MAU2: variants seen among roughly 807,000 people sequenced by gnomAD.
The protein encoded by MAU2 is MAU2 chromatid cohesion factor homolog.
In MAU2, 9 loss-of-function variants were observed where a neutral mutation model predicts 89.1. The ratio of observed to expected loss-of-function variants is 0.10; its 90% CI spans 0.06 to 0.18. The LOEUF (loss-of-function observed/expected upper bound fraction) is 0.18. Ranked by LOEUF, MAU2 falls within the 10% of genes least tolerant of loss-of-function variation. The pLI, the probability that MAU2 is intolerant of heterozygous loss-of-function variation, is 1.00. For missense variants in MAU2, 425 were observed against 803.5 expected (o/e 0.53, Z 5.69); for synonymous variants, 357 against 343.4 (o/e 1.04, Z -0.44).
rs768681897 is a variant in MAU2, at chr19:19,341,416, C to T, written c.735+9C>T. The T allele has an allele frequency of 1.2e-5, 19 of 1,613,038 alleles. No individual in the cohort carries two copies. The highest frequency in any genetic ancestry group is 1.6e-4 in the Middle Eastern group (1 of 6,062). ...ATCTGGATGCCGGGCAGGTGTGTGG[C>T]GCCTCTCAGGCGAGCTGCTGGTTGT... On this transcript the variant is annotated intron_variant, in intron 7 of 18. Coordinates refer to ENST00000262815, the MANE Select transcript of MAU2 (RefSeq NM_015329.4).
chr19:19,354,985 G>A (rs780646832), intron 17 of MAU2, among the ~76,000 whole-genome samples: 2 of 152,168 alleles, frequency 1.3e-5, no homozygotes, highest in East Asian at 1.9e-4. Flanking sequence ...CCCAATGAGC[G>A]CCTGTTTGCC....
Position 19,344,161 on chromosome 19 carries a change from C to T in MAU2, c.1077+221C>T, listed in dbSNP as rs1202005506. ...GCGCAGTGGCTCACGCCTGTCATCCCAGCAGTTTGGGAGGCCGAGGCGGGT... is the reference window on the plus strand; with the variant it reads ...GCGCAGTGGCTCACGCCTGTCATCCTAGCAGTTTGGGAGGCCGAGGCGGGT... On this transcript the variant is annotated intron_variant, in intron 10 of 18. Coordinates refer to ENST00000262815, the MANE Select transcript of MAU2 (RefSeq NM_015329.4). 9.5e-6 allele frequency: 5 copies of T among 527,970 alleles called. No individual in the cohort carries two copies. The Admixed American group carries it at 1.6e-4, about 17-fold the overall frequency. 32.7% of individuals were successfully genotyped at this position (527,970 alleles called of 1,614,324 possible). A position where few individuals can be genotyped will look rare whatever the true frequency, so the allele number is the denominator to read the frequency against.
At chr19:19,331,958 A>G (rs2061558764) in intron 1 of MAU2, among the ~76,000 whole-genome samples, 1 of 152,332 alleles carries the variant, frequency 6.6e-6, no homozygotes, top group South Asian at 2.1e-4. Context: ...ATCCCATGCC[A>G]TTTAGGGCTT....
At position 19,336,117 on chromosome 19, in the gene MAU2, A is replaced by C; in HGVS notation, c.295-5A>C. On this transcript the variant is annotated splice_region_variant and splice_polypyrimidine_tract_variant and intron_variant, in intron 2 of 18. Coordinates refer to ENST00000262815, the MANE Select transcript of MAU2 (RefSeq NM_015329.4). ...GTCTGTACTTCCTTAACTGGACGTC[A>C]CTAGATCCCGCAGTTCGAAGATGTT... 1 of 1,611,040 alleles carries C rather than the reference A, an allele frequency of 6.2e-7. No homozygotes were observed.
chr19:19,346,188 A>G (rs1347789174), intron 12 of MAU2, among the ~76,000 whole-genome samples: 2 of 152,022 alleles, frequency 1.3e-5, no homozygotes, highest in South Asian at 4.1e-4. Context: ...TGCAGACAGC[A>G]TGCTTGGGAG....
Position 19,358,408 on chromosome 19 carries a change from C to CT in MAU2, c.*2627dup, listed in dbSNP as rs2048202794. 1 of 152,142 alleles carries CT rather than the reference C, an allele frequency of 6.6e-6. No homozygotes were observed. Among genetic ancestry groups the CT allele is most frequent in the Admixed American group, 6.6e-5 (1 of 15,254 alleles). 9.4% of individuals were successfully genotyped at this position (152,142 alleles called of 1,614,324 possible). Reference sequence around the variant, plus strand: ...TCACCTGCCGGTGGGCGAGGATCCTCTCCCTGGGATAAGCACTCCCAGCCC... The same window carrying CT: ...TCACCTGCCGGTGGGCGAGGATCCTCTTCCCTGGGATAAGCACTCCCAGCCC... On this transcript the variant is annotated 3_prime_UTR_variant, in exon 19 of 19. Coordinates refer to ENST00000262815, the MANE Select transcript of MAU2 (RefSeq NM_015329.4).
intron 5 of MAU2, 140 bp from the exon 6 acceptor site, chr19:19,340,706 T>C: frequency 1.7e-6 from 1 of 596,258 alleles, no homozygotes; most frequent in Non-Finnish European, 2.9e-6. Flanking sequence ...AGAGCAGTCT[T>C]GTAAGGGGAC....
At chr19:19,354,741 C>T (rs2048158314) in intron 17 of MAU2, 2 of 457,624 alleles carry the variant, frequency 4.4e-6, no homozygotes, top group South Asian at 2.6e-5. Context: ...TGCTTCTTCC[C>T]GGAAAGGCAG....
At chr19:19,354,685 T>G in intron 17 of MAU2, 1 of 547,104 alleles carries the variant, frequency 1.8e-6, no homozygotes, top group Non-Finnish European at 3.3e-6. Context: ...AGGCTGCGAC[T>G]TGGTATCTGG....
At chr19:19,340,181 AAAT>A (rs2061630850) in intron 5 of MAU2, among the ~76,000 whole-genome samples, 5 of 149,904 alleles carry the variant, frequency 3.3e-5, no homozygotes, top group Non-Finnish European at 4.4e-5. Context: ...AAAAAAAAAA[AAAT>A]TAACCAGGCA....
At chr19:19,328,147 G>GAGAC (rs1443392381) in intron 1 of MAU2, among the ~76,000 whole-genome samples, 2 of 147,442 alleles carry the variant, frequency 1.4e-5, no homozygotes, top group Admixed American at 1.4e-4. Context: ...GTGACAGAGA[G>GAGAC]AGACCCTGTC....
intron 5 of MAU2, among the ~76,000 whole-genome samples, chr19:19,340,315 A>T (rs2146683944): frequency 6.6e-6 from 1 of 151,960 alleles, no homozygotes; most frequent in Non-Finnish European, 1.5e-5. Flanking sequence ...CCTGGGCAAC[A>T]GAGTGAGACT....
chr19:19,338,688 C>T (rs558449221), intron 4 of MAU2, among the ~76,000 whole-genome samples, 157 bp from the exon 5 acceptor site: 18 of 152,174 alleles, frequency 1.2e-4, no homozygotes, highest in Non-Finnish European at 2.2e-4. Context: ...AAGCAATTAG[C>T]GTTGATAAGA....
intron 1 of MAU2, among the ~76,000 whole-genome samples, chr19:19,330,325 T>C (rs1223651528): frequency 6.6e-6 from 1 of 151,716 alleles, no homozygotes; most frequent in African/African-American, 2.4e-5. Flanking sequence ...CCAGGCATGG[T>C]GGCTCACGCC....
In MAU2 at chr19:19,357,297, G is replaced by A. The variant is rs1204069206; in HGVS notation, c.*1515G>A. 1 of 152,358 alleles carries A rather than the reference G, an allele frequency of 6.6e-6. No individual in the cohort carries two copies. The highest frequency in any genetic ancestry group is 2.4e-5 in the African/African-American group (1 of 41,416). The allele number at this position is 152,358 out of a possible 1,614,324, so 9.4% of individuals were successfully genotyped here. On this transcript the variant is annotated 3_prime_UTR_variant, in exon 19 of 19. Coordinates refer to ENST00000262815, the MANE Select transcript of MAU2 (RefSeq NM_015329.4). ...CCATCTCTGGGTCTCCAGGGGGAGA[G>A]CCTGGCCCTGTCCTTTGCTACCCAG...
rs1456015831 is a variant in MAU2 at position 19,345,140 on chromosome 19, G to A, written c.1156-164G>A. On this transcript the variant is annotated intron_variant, in intron 11 of 18. Transcript: ENST00000262815. The surrounding 1 kb of genome is among the most constrained non-coding windows in gnomAD (Gnocchi z 4.9). ...TCCCACCCCACATTGGCTTGGGTCT[G>A]AAAGGTGGGGACAGTGAGCATATTA... The A allele has an allele frequency of 4.1e-6, 3 of 732,844 alleles. No homozygotes were observed. The highest frequency in any genetic ancestry group is 4.6e-5 in the Admixed American group (2 of 43,838). The allele number at this position is 732,844 out of a possible 1,614,324, so 45.4% of individuals were successfully genotyped here.
chr19:19,344,422 A>C (rs201709983), intron 10 of MAU2: 7 of 231,896 alleles, frequency 3.0e-5, no homozygotes, highest in East Asian at 2.1e-4. Context: ...AAAAAAAAAA[A>C]CCCAAAAAAC....
Position 19,354,027 on chromosome 19 carries a change from A to G in MAU2, c.1549-328A>G, listed in dbSNP as rs545685984. The G allele has an allele frequency of 1.6e-5, 6 of 367,356 alleles. No individual in the cohort carries two copies. In the East Asian group the frequency reaches 3.4e-4, roughly 21 times the overall value. The allele number at this position is 367,356 out of a possible 1,614,324, so 22.8% of individuals were successfully genotyped here. ...AACCCTATATGAATCTGCATTTCTG[A>G]TCAGCCCCCATTGTGGGTCTAGGGC... On this transcript the variant is annotated intron_variant, in intron 16 of 18. Transcript: ENST00000262815.
At chr19:19,354,756 C>T (rs1568669727) in intron 17 of MAU2, 2 of 456,778 alleles carry the variant, frequency 4.4e-6, no homozygotes, top group Non-Finnish European at 8.1e-6. Context: ...AGGCAGACAG[C>T]AGCCATACCT....
Sources: allele counts gnomAD v4.1 joint callset (sites outside exome capture counted in the v4.1 genomes callset), GRCh38; gene constraint gnomAD v4.1.1; non-coding constraint Gnocchi (gnomAD v3.1); transcripts MANE v1.5; gene names NCBI Gene and HGNC (gene_info 2026-07-23, HGNC 2026-07-21).